Variants in CSMD1 observed in about 807,000 individuals in gnomAD.
CSMD1 encodes CUB and Sushi multiple domains 1.
CSMD1 carries 213 observed loss-of-function variants against 417.5 expected under a neutral mutation model. That is an observed-to-expected ratio of 0.51 (90% CI 0.46 to 0.57). The LOEUF (loss-of-function observed/expected upper bound fraction) is 0.57. CSMD1 is among the 20% of genes least tolerant of loss of function. The probability of loss-of-function intolerance (pLI) is 0.00; values close to 1 mark genes in which losing one functional copy is unlikely to be tolerated. For missense variants in CSMD1, 6,923 were observed against 4,529.7 expected, an observed-to-expected ratio of 1.53 and a Z score of -15.17; for synonymous variants, 2,862 against 1,736.8, an observed-to-expected ratio of 1.65 and a Z score of -16.11.
intron 47 of CSMD1, among the ~76,000 whole-genome samples, chr8:3,093,145 A>G (rs573481969): frequency 1.3e-5 from 2 of 152,282 alleles, no homozygotes; most frequent in African/African-American, 4.8e-5. Flanking sequence ...ATGTGACTTT[A>G]AAGAGAGAGA....
At chr8:3,179,180 C>T (rs771245502) in intron 37 of CSMD1, among the ~76,000 whole-genome samples, 32 of 151,818 alleles carry the variant, frequency 2.1e-4, no homozygotes, top group South Asian at 4.2e-4. Context: ...CTCCTGACCT[C>T]GTGATCTGCC....
chr8:3,483,584 G>C lies in CSMD1; in HGVS notation c.1448+10039C>G, dbSNP rs905817097. On this transcript the variant is annotated intron_variant, in intron 11 of 69. Coordinates refer to ENST00000635120, the MANE Select transcript of CSMD1 (RefSeq NM_033225.6). The stretch of plus-strand genomic sequence containing the variant: ...TAACGTCAAGATTTCATAAACTCTT[G>C]CAGAAAATAACAAAAGAGAAAATAT... Among the ~76,000 whole-genome samples, 88 of 152,010 alleles carry C rather than the reference G, an allele frequency of 5.8e-4. 1 individual carries two copies. The highest frequency in any genetic ancestry group is 1.9e-3 in the African/African-American group (80 of 41,508).
At position 3,135,829 on chromosome 8, in the gene CSMD1, T is replaced by G. The variant is rs556675345; in HGVS notation, c.6241+6636A>C. Among the ~76,000 whole-genome samples, 29 of 152,208 alleles carry G rather than the reference T, an allele frequency of 1.9e-4. No individual in the cohort carries two copies. In the South Asian group the frequency reaches 6.0e-3, roughly 32 times the overall value. On this transcript the variant is annotated intron_variant, in intron 41 of 69. Transcript: ENST00000635120. The stretch of plus-strand genomic sequence containing the variant: ...AAAGTGTTCCCAAAATGTTTAGCAA[T>G]TGCAGTAGGAGAAGCAGGGTCCTGT...
At chr8:3,243,671 CAG>C (rs1051415213) in intron 26 of CSMD1, among the ~76,000 whole-genome samples, 10 of 151,958 alleles carry the variant, frequency 6.6e-5, no homozygotes, top group Non-Finnish European at 1.2e-4. Flanking sequence ...ATGCAGGTCA[CAG>C]GGGATATGAT....
chr8:4,240,107 G>T (rs187837256), intron 3 of CSMD1, among the ~76,000 whole-genome samples: 1 of 152,246 alleles, frequency 6.6e-6, no homozygotes, highest in African/African-American at 2.4e-5. Context: ...TAAACCAAAT[G>T]TTGATTGTTA....
At chr8:3,697,510 T>C (rs1200421103) in intron 7 of CSMD1, among the ~76,000 whole-genome samples, 1 of 152,202 alleles carries the variant, frequency 6.6e-6, no homozygotes, top group East Asian at 1.9e-4. Flanking sequence ...TAAGAAAGCT[T>C]CATTGATTAG....
At chr8:4,359,928 T>TAA (rs1801656321) in intron 3 of CSMD1, among the ~76,000 whole-genome samples, 3 of 152,168 alleles carry the variant, frequency 2.0e-5, no homozygotes, top group African/African-American at 7.2e-5. Context: ...CAACGTTCAG[T>TAA]GAAAGAATGC....
At chr8:4,747,740 G>A (rs1811047556) in intron 1 of CSMD1, among the ~76,000 whole-genome samples, 1 of 152,104 alleles carries the variant, frequency 6.6e-6, no homozygotes, top group South Asian at 2.1e-4. Context: ...CCAATGTCCT[G>A]TGGCCCAAGC....
intron 1 of CSMD1, among the ~76,000 whole-genome samples, chr8:4,964,527 G>GAAAAA (rs1225908799): frequency 2.4e-5 from 2 of 85,052 alleles, no homozygotes; most frequent in African/African-American, 1.0e-4. Context: ...AAAAAAAAAG[G>GAAAAA]AAGGAAGGAA....
chr8:4,991,363 C>T (rs1350717018), intron 1 of CSMD1, among the ~76,000 whole-genome samples: 1 of 152,204 alleles, frequency 6.6e-6, no homozygotes, highest in Admixed American at 6.5e-5. Context: ...TCGATATCCC[C>T]AACGCTTTAT....
At chr8:4,746,708 G>C (rs941554258) in intron 1 of CSMD1, among the ~76,000 whole-genome samples, 4 of 152,002 alleles carry the variant, frequency 2.6e-5, no homozygotes, top group Non-Finnish European at 5.9e-5. Context: ...TGAGCTGCTG[G>C]GGCTAATCCA....
intron 3 of CSMD1, among the ~76,000 whole-genome samples, chr8:4,289,221 C>A (rs966972917): frequency 6.6e-6 from 1 of 152,146 alleles, no homozygotes; most frequent in African/African-American, 2.4e-5. Context: ...AGATACCTGT[C>A]GGTCATTTCT....
At chr8:3,354,666 C>T (rs559182666) in intron 21 of CSMD1, among the ~76,000 whole-genome samples, 8 of 151,700 alleles carry the variant, frequency 5.3e-5, no homozygotes, top group African/African-American at 1.9e-4. Flanking sequence ...AATTTAGTGC[C>T]GTTATTGGAT....
intron 6 of CSMD1, among the ~76,000 whole-genome samples, chr8:3,739,416 A>G (rs1384885882): frequency 1.3e-5 from 2 of 152,240 alleles, no homozygotes; most frequent in African/African-American, 4.8e-5. Context: ...AATGTTCCCA[A>G]CACAGAGAAA....
At chr8:3,070,740 G>A (rs2128998211) in intron 49 of CSMD1, among the ~76,000 whole-genome samples, 1 of 152,272 alleles carries the variant, frequency 6.6e-6, no homozygotes, top group Middle Eastern at 3.4e-3. Context: ...TTCTTATTCT[G>A]AGGTTTCCAA....
intron 5 of CSMD1, among the ~76,000 whole-genome samples, chr8:3,988,730 C>G (rs1239411403): frequency 6.6e-6 from 1 of 152,190 alleles, no homozygotes; most frequent in East Asian, 1.9e-4. Context: ...GATTTTCATT[C>G]ACAAAGTTGA....
chr8:4,325,894 C>G (rs1047947351), intron 3 of CSMD1, among the ~76,000 whole-genome samples: 2 of 152,080 alleles, frequency 1.3e-5, no homozygotes, highest in Admixed American at 6.6e-5. Flanking sequence ...TGCACATGGT[C>G]AGAATATAAT....
At chr8:3,353,533 A>T (rs1808551254) in intron 21 of CSMD1, among the ~76,000 whole-genome samples, 1 of 152,198 alleles carries the variant, frequency 6.6e-6, no homozygotes. Context: ...AGAAACTGCG[A>T]GAGCGCTCCA....
chr8:4,111,633 G>C (rs1309930239), intron 3 of CSMD1, among the ~76,000 whole-genome samples: 3 of 152,168 alleles, frequency 2.0e-5, no homozygotes, highest in African/African-American at 4.8e-5. Flanking sequence ...CGTGGATGGA[G>C]TTAGAAGCCA....
Sources: allele counts gnomAD v4.1 joint callset (sites outside exome capture counted in the v4.1 genomes callset), GRCh38; gene constraint gnomAD v4.1.1; transcripts MANE v1.5; gene names NCBI Gene and HGNC (gene_info 2026-07-23, HGNC 2026-07-21).